PCDHA2: variants seen among roughly 807,000 people sequenced by gnomAD.
PCDHA2 encodes the protein protocadherin alpha-2.
Under a neutral mutation model 66.0 loss-of-function variants are expected in PCDHA2, and 58 were observed. The observed-to-expected ratio is 0.88, with a 90% CI of 0.71 to 1.09. PCDHA2 has a LOEUF of 1.09. Among genes scored for constraint, PCDHA2 ranks in the 50% least tolerant of loss-of-function variants. The pLI, the probability that PCDHA2 is intolerant of heterozygous loss-of-function variation, is 0.00. For missense variants in PCDHA2, 1,267 were observed against 1,242.3 expected (o/e 1.02, Z -0.30); for synonymous variants, 634 against 554.0 (o/e 1.14, Z -2.03).
intron 1 of PCDHA2, chr5:140,803,398 C>T (rs781917643): frequency 1.9e-6 from 3 of 1,614,198 alleles, no homozygotes; most frequent in Non-Finnish European, 2.5e-6. Flanking sequence ...GACTGTGGGC[C>T]GGGCAAGCCC....
intron 1 of PCDHA2, chr5:140,802,903 G>C: frequency 6.2e-7 from 1 of 1,613,792 alleles, no homozygotes; most frequent in East Asian, 2.2e-5. Flanking sequence ...CTGATGCCTC[G>C]GGTGGGTGGC....
chr5:140,858,904 C>A (rs2045655579), intron 1 of PCDHA2: 1 of 197,854 alleles, frequency 5.1e-6, no homozygotes, highest in East Asian at 1.5e-4. Context: ...TGTAGCGTAC[C>A]ACAGCTTATA....
rs1448564423 is a variant in PCDHA2 at position 140,841,223 on chromosome 5, A to G, written c.2388+43871A>G. 4.8e-6 allele frequency: 7 copies of G among 1,448,108 alleles called. No homozygotes were observed. In the Admixed American group the frequency reaches 6.8e-5, roughly 14 times the overall value. The allele number at this position is 1,448,108 out of a possible 1,614,324, so 89.7% of individuals were successfully genotyped here. ...CAGCATCTGTCTCTAAAGGCCGAAC[A>G]ACGGGAGATGCAGCGGAATTGGATT... is the stretch of plus-strand genomic sequence containing the variant. On this transcript the variant is annotated intron_variant, in intron 1 of 3. Transcript: ENST00000526136.
intron 1 of PCDHA2, chr5:140,853,845 T>C (rs2150303295): frequency 1.0e-6 from 1 of 986,388 alleles, no homozygotes. Context: ...TTTAGATCCA[T>C]AGCCCTATTT....
intron 1 of PCDHA2, chr5:140,817,369 G>C (rs2150097820): frequency 6.6e-6 from 1 of 152,148 alleles, no homozygotes; most frequent in Non-Finnish European, 1.5e-5. Context: ...AACTGGTTTC[G>C]GCACTTATCA....
At chr5:140,843,906 T>C in intron 1 of PCDHA2, 1 of 648,462 alleles carries the variant, frequency 1.5e-6, no homozygotes, top group Non-Finnish European at 2.6e-6. Context: ...TCTCCACAAG[T>C]TGGGTCTATC....
chr5:140,841,387 A>T, intron 1 of PCDHA2: 1 of 1,613,470 alleles, frequency 6.2e-7, no homozygotes. Flanking sequence ...TGCTCCTCGC[A>T]GCCTGGAAGG....
chr5:141,008,300 C>G (rs1272725012), intron 3 of PCDHA2, among the ~76,000 whole-genome samples: 3 of 152,162 alleles, frequency 2.0e-5, no homozygotes, highest in African/African-American at 7.2e-5. Context: ...GTACCCAACC[C>G]TAAACTGTAA....
At chr5:140,857,581 G>C (rs781800563) in intron 1 of PCDHA2, 4 of 1,596,740 alleles carry the variant, frequency 2.5e-6, no homozygotes, top group African/African-American at 1.3e-5. Flanking sequence ...CGGTGCACGC[G>C]GAGAGCGGCA....
Position 140,915,626 on chromosome 5 carries a change from G to GTCTCTCTC in PCDHA2, c.2389-63300_2389-63293dup, listed in dbSNP as rs57920489. Among the ~76,000 whole-genome samples the GTCTCTCTC allele has an allele frequency of 4.4e-3, 648 of 146,532 alleles. 6 individuals carry two copies. Among genetic ancestry groups the GTCTCTCTC allele is most frequent in the East Asian group, 0.011 (51 of 4,846 alleles). Reference sequence around the variant, plus strand: ...ACTTTCTGTCAAACAGTCTCTTTCTGTCTCTCTCTCTCTCTCTCTCTCTCT... The same window carrying GTCTCTCTC: ...ACTTTCTGTCAAACAGTCTCTTTCTGTCTCTCTCTCTCTCTCTCTCTCTCTCTCTCTCT... On this transcript the variant is annotated intron_variant, in intron 1 of 3. Transcript: ENST00000526136.
intron 1 of PCDHA2, chr5:140,834,135 T>G: frequency 4.1e-6 from 2 of 483,320 alleles, no homozygotes; most frequent in Middle Eastern, 5.3e-4. Context: ...TTTCATCTGA[T>G]TAATAGTTTG....
chr5:140,842,383 C>G lies in PCDHA2; in HGVS notation c.2388+45031C>G, dbSNP rs1554138979. 20 of 1,610,678 alleles carry G rather than the reference C, an allele frequency of 1.2e-5. No individual in the cohort carries two copies. In the South Asian group the frequency reaches 2.2e-4, roughly 18 times the overall value. On this transcript the variant is annotated intron_variant, in intron 1 of 3. Coordinates refer to ENST00000526136, the MANE Select transcript of PCDHA2 (RefSeq NM_018905.3). ...ACGTCCCTGAGATAGCACTGACTTC[C>G]TTATCCTTGCCTGTACGTGAAGACG... is the stretch of plus-strand genomic sequence containing the variant.
rs148605499 is a variant in PCDHA2 at position 140,807,632 on chromosome 5, G to C, written c.2388+10280G>C. 3.2e-5 allele frequency: 51 copies of C among 1,614,100 alleles called. No homozygotes were observed. The highest frequency in any genetic ancestry group is 1.6e-4 in the Middle Eastern group (1 of 6,084). ...GTCCATCGCGGAATCCAGGCCGCTT[G>C]ACTCTCGGTTTCCACTAGAGGGCGC... On this transcript the variant is annotated intron_variant, in intron 1 of 3. Transcript: ENST00000526136.
At chr5:140,873,642 G>A (rs1217578025) in intron 1 of PCDHA2, among the ~76,000 whole-genome samples, 1 of 152,154 alleles carries the variant, frequency 6.6e-6, no homozygotes, top group Non-Finnish European at 1.5e-5. Flanking sequence ...GAGTATGTGA[G>A]AACTACATAA....
rs560557725 is a variant in PCDHA2, at chr5:141,005,418, G to T, written c.2537-4209G>T. Among the ~76,000 whole-genome samples, 149 of 152,250 alleles carry T rather than the reference G, an allele frequency of 9.8e-4. 1 individual carries two copies. The highest frequency in any genetic ancestry group is 3.5e-3 in the African/African-American group (145 of 41,544). On this transcript the variant is annotated intron_variant, in intron 3 of 3. Transcript: ENST00000526136. ...ACAGACTTGAAGAGTGAGGAGTCAT[G>T]CTAAGAATGGATGAGAGGCTCACGC...
At chr5:140,903,403 C>T (rs2070268499) in intron 1 of PCDHA2, among the ~76,000 whole-genome samples, 1 of 152,156 alleles carries the variant, frequency 6.6e-6, no homozygotes, top group Non-Finnish European at 1.5e-5. Flanking sequence ...AACAGTAGTG[C>T]AGTCAGGAAA....
chr5:140,856,872 A>G (rs1554149238), intron 1 of PCDHA2: 1 of 1,596,142 alleles, frequency 6.3e-7, no homozygotes, highest in South Asian at 1.1e-5. Flanking sequence ...ATAAACAAGG[A>G]AATGATGTAT....
At chr5:140,879,743 C>A (rs553188333) in intron 1 of PCDHA2, among the ~76,000 whole-genome samples, 2 of 152,274 alleles carry the variant, frequency 1.3e-5, no homozygotes, top group South Asian at 2.1e-4. Context: ...AAGGTGTTGT[C>A]AAGGCTATAC....
intron 1 of PCDHA2, among the ~76,000 whole-genome samples, chr5:140,962,883 T>C (rs570394633): frequency 5.6e-4 from 86 of 152,222 alleles, no homozygotes; most frequent in Non-Finnish European, 1.0e-3. Flanking sequence ...ATACATGAAT[T>C]AAAAAATGAA....
Sources: gnomAD v4.1 joint callset for allele counts (sites outside exome capture counted in the v4.1 genomes callset) on GRCh38, gnomAD v4.1.1 for gene constraint, MANE v1.5 for transcripts, NCBI Gene and HGNC (gene_info 2026-07-23, HGNC 2026-07-21) for gene names.